Variants in WDR12 observed in about 807,000 individuals in gnomAD.
The protein encoded by WDR12 is WD repeat domain 12, also known as ribosome biogenesis protein WDR12.
Under a neutral mutation model 64.3 loss-of-function variants are expected in WDR12, and 42 were observed. That is an observed-to-expected ratio of 0.65 (90% CI 0.51 to 0.84). WDR12 has a LOEUF of 0.84. WDR12 is among the 40% of genes least tolerant of loss of function. WDR12 has a pLI of 0.00. For missense variants in WDR12, 469 were observed against 494.6 expected, an observed-to-expected ratio of 0.95 and a Z score of 0.49; for synonymous variants, 158 against 173.3, an observed-to-expected ratio of 0.91 and a Z score of 0.70.
intron 4 of WDR12, 124 bp downstream of exon 4, chr2:202,899,407 G>T: frequency 1.2e-6 from 1 of 833,150 alleles, no homozygotes; most frequent in Non-Finnish European, 1.8e-6. Context: ...CACTGATACA[G>T]AGATCACAAA....
At chr2:202,883,238 C>T (rs1247644268) in intron 11 of WDR12, among the ~76,000 whole-genome samples, 3 of 152,130 alleles carry the variant, frequency 2.0e-5, no homozygotes, top group African/African-American at 2.4e-5. Context: ...TGGGTTCGAG[C>T]GATTCTCCTG....
chr2:202,880,728 G>T lies in WDR12; in HGVS notation c.*132C>A. ...CAAAATAAGAAAAAGTGATACGTTAGCTGTTATGAAGGGTGAAAACATTAT... is the reference window on the plus strand; with the variant it reads ...CAAAATAAGAAAAAGTGATACGTTATCTGTTATGAAGGGTGAAAACATTAT... On this transcript the variant is annotated 3_prime_UTR_variant, in exon 13 of 13. Transcript: ENST00000261015. The T allele has an allele frequency of 1.8e-6, 1 of 560,320 alleles. No homozygotes were observed. The highest frequency in any genetic ancestry group is 1.9e-5 in the African/African-American group (1 of 52,052). 34.7% of individuals were successfully genotyped at this position (560,320 alleles called of 1,614,324 possible).
intron 8 of WDR12, among the ~76,000 whole-genome samples, chr2:202,890,541 G>A (rs1194568185): frequency 6.6e-6 from 1 of 152,054 alleles, no homozygotes; most frequent in African/African-American, 2.4e-5. Flanking sequence ...AGGCCGAGGC[G>A]GGTGGATCAC....
chr2:202,896,118 T>C lies in WDR12; in HGVS notation c.556A>G (p.Arg186Gly). 3.1e-6 allele frequency: 5 copies of C among 1,614,160 alleles called. No homozygotes were observed. Among genetic ancestry groups the C allele is most frequent in the Non-Finnish European group, 4.2e-6 (5 of 1,180,008 alleles). ...RNKVKALHCC[R>G]GHAGSVDSIA... ...GAATCTACACTTCCAGCATGACCTC[T>C]ACAGCAGTGTAGGGCTTTCACTTTG... The change falls in exon 6 of 13, where the codon AGA becomes GGA. Residue 186 changes from arginine (R) to glycine (G), a missense_variant. Arg to Gly is a moderately radical substitution (Grantham distance 125, BLOSUM62 -2). Coordinates refer to ENST00000261015, the MANE Select transcript of WDR12 (RefSeq NM_018256.4).
At chr2:202,907,525 C>T (rs1307926891) in intron 2 of WDR12, among the ~76,000 whole-genome samples, 2 of 152,134 alleles carry the variant, frequency 1.3e-5, no homozygotes, top group African/African-American at 2.4e-5. Flanking sequence ...AGCACTAAAA[C>T]GCTTGTTTTA....
intron 8 of WDR12, among the ~76,000 whole-genome samples, chr2:202,889,475 A>G (rs548643466): frequency 6.6e-6 from 1 of 151,542 alleles, no homozygotes; most frequent in Non-Finnish European, 1.5e-5. Flanking sequence ...CGGGCAACAA[A>G]GCAAGACACC....
intron 1 of WDR12, among the ~76,000 whole-genome samples, chr2:202,909,469 C>T (rs532122586): frequency 1.3e-5 from 2 of 152,204 alleles, no homozygotes; most frequent in South Asian, 2.1e-4. Context: ...TTATTCAAAA[C>T]GTCCAGAAGA....
intron 8 of WDR12, among the ~76,000 whole-genome samples, chr2:202,888,811 CAA>C (rs1422242604): frequency 6.6e-6 from 1 of 152,128 alleles, no homozygotes; most frequent in Non-Finnish European, 1.5e-5. Context: ...TTCCTGGGCT[CAA>C]GTGATCCTCC....
chr2:202,896,210 G>A lies in WDR12; in HGVS notation c.464C>T (p.Ser155Phe), dbSNP rs1365373581. 2.5e-6 allele frequency: 4 copies of A among 1,613,086 alleles called. No individual in the cohort carries two copies. The highest frequency in any genetic ancestry group is 1.7e-5 in the Admixed American group (1 of 59,888). The change falls in exon 6 of 13, where the codon TCC (serine) becomes TTC (phenylalanine). Residue 155 changes from serine (S) to phenylalanine (F), a missense_variant. Transcript: ENST00000261015. ...CATAGAAGCACTCAATAATAAGCAGGACAAACTATCTGGAGAAAGGAGAAC... is the reference window on the plus strand; with the variant it reads ...CATAGAAGCACTCAATAATAAGCAGAACAAACTATCTGGAGAAAGGAGAAC... ...DVAWVKKDSL[S>F]CLLLSASMDQ... is the part of the protein sequence containing the mutation.
At chr2:202,907,780 C>A in intron 2 of WDR12, 85 bp downstream of exon 2, 1 of 1,094,082 alleles carries the variant, frequency 9.1e-7, no homozygotes, top group Non-Finnish European at 1.4e-6. Flanking sequence ...CATACAGTAT[C>A]ATAAGGCCAA....
At chr2:202,908,355 T>C (rs968424936) in intron 1 of WDR12, among the ~76,000 whole-genome samples, 4 of 152,144 alleles carry the variant, frequency 2.6e-5, no homozygotes, top group Non-Finnish European at 5.9e-5. Flanking sequence ...CTTGGGAGGC[T>C]GAGGTGGGAG....
At position 202,908,613 on chromosome 2, in the gene WDR12, C is replaced by T. The variant is rs188642786; in HGVS notation, c.42-654G>A. On this transcript the variant is annotated intron_variant, in intron 1 of 12. Coordinates refer to ENST00000261015, the MANE Select transcript of WDR12 (RefSeq NM_018256.4). Reference sequence around the variant, plus strand: ...GACTTTGCTCCAAAGTGACCAAAGGCTAAAGAGATACACATGGAGTGCTTT... The same window carrying T: ...GACTTTGCTCCAAAGTGACCAAAGGTTAAAGAGATACACATGGAGTGCTTT... Among the ~76,000 whole-genome samples, 302 of 152,322 alleles carry T rather than the reference C, an allele frequency of 2.0e-3. 2 individuals are homozygous for T. Among genetic ancestry groups the T allele is most frequent in the African/African-American group, 7.0e-3 (293 of 41,568 alleles).
At chr2:202,900,645 A>AC (rs1688332260) in intron 3 of WDR12, among the ~76,000 whole-genome samples, 1 of 152,196 alleles carries the variant, frequency 6.6e-6, no homozygotes, top group African/African-American at 2.4e-5. Context: ...ACAGTAACTT[A>AC]ACCCATAGTT....
chr2:202,902,618 G>A (rs1222557558), intron 2 of WDR12, among the ~76,000 whole-genome samples: 1 of 152,132 alleles, frequency 6.6e-6, no homozygotes, highest in Non-Finnish European at 1.5e-5. Flanking sequence ...AAGTTCTACA[G>A]CTTTTGGATT....
intron 3 of WDR12, among the ~76,000 whole-genome samples, chr2:202,900,722 C>T (rs1161027298): frequency 1.3e-5 from 2 of 152,060 alleles, no homozygotes; most frequent in Non-Finnish European, 2.9e-5. Context: ...CCCTTTCTTG[C>T]CAGTTCTTCC....
intron 2 of WDR12, among the ~76,000 whole-genome samples, chr2:202,903,855 G>A (rs1240817613): frequency 6.6e-6 from 1 of 151,978 alleles, no homozygotes; most frequent in Non-Finnish European, 1.5e-5. Flanking sequence ...ACATTGAAGA[G>A]GGCTGGGTGC....
intron 2 of WDR12, among the ~76,000 whole-genome samples, chr2:202,903,774 A>G (rs1440638216): frequency 6.6e-6 from 1 of 152,178 alleles, no homozygotes; most frequent in African/African-American, 2.4e-5. Context: ...GTAGCCACAA[A>G]TAAAATACCT....
At chr2:202,911,088 A>G (rs1688607873) in intron 1 of WDR12, among the ~76,000 whole-genome samples, 1 of 152,240 alleles carries the variant, frequency 6.6e-6, no homozygotes, top group Non-Finnish European at 1.5e-5. Flanking sequence ...ATATATCTAT[A>G]TAGATATACA....
At chr2:202,901,516 T>G (rs910463082) in intron 2 of WDR12, among the ~76,000 whole-genome samples, 3 of 152,204 alleles carry the variant, frequency 2.0e-5, no homozygotes, top group Non-Finnish European at 4.4e-5. Context: ...CTCTAAAATA[T>G]AAGGACTTCA....
Sources: gnomAD v4.1 joint callset for allele counts (sites outside exome capture counted in the v4.1 genomes callset) on GRCh38, gnomAD v4.1.1 for gene constraint, MANE v1.5 for transcripts, NCBI Gene and HGNC (gene_info 2026-07-23, HGNC 2026-07-21) for gene names.